GRM8: variants seen among roughly 807,000 people sequenced by gnomAD.
The protein encoded by GRM8 is metabotropic glutamate receptor 8.
Under a neutral mutation model 87.2 loss-of-function variants are expected in GRM8, and 47 were observed. The ratio of observed to expected loss-of-function variants is 0.54; its 90% CI spans 0.43 to 0.69. The LOEUF (loss-of-function observed/expected upper bound fraction) is 0.69. Among genes scored for constraint, GRM8 ranks in the 30% least tolerant of loss-of-function variants. The probability of loss-of-function intolerance (pLI) is 0.00; values close to 1 mark genes in which losing one functional copy is unlikely to be tolerated. For missense variants in GRM8, 1,019 were observed against 1,139.2 expected, an observed-to-expected ratio of 0.89 and a Z score of 1.52; for synonymous variants, 396 against 404.5, an observed-to-expected ratio of 0.98 and a Z score of 0.25.
At chr7:127,041,838 G>A (rs1003258461) in intron 3 of GRM8, among the ~76,000 whole-genome samples, 2 of 152,160 alleles carry the variant, frequency 1.3e-5, no homozygotes, top group Non-Finnish European at 2.9e-5. Flanking sequence ...GCTGAGTTTT[G>A]ATTGATCAAT....
intron 3 of GRM8, among the ~76,000 whole-genome samples, chr7:127,073,442 C>T (rs984225938): frequency 6.6e-6 from 1 of 152,098 alleles, no homozygotes; most frequent in Admixed American, 6.5e-5. Flanking sequence ...TTAGAGGGGT[C>T]AGGGATTACT....
At chr7:127,124,021 C>T (rs895313654) in intron 2 of GRM8, among the ~76,000 whole-genome samples, 2 of 152,118 alleles carry the variant, frequency 1.3e-5, no homozygotes, top group African/African-American at 4.8e-5. Context: ...TCTTTCAAGT[C>T]ATTAACCACA....
chr7:126,854,840 T>C (rs1586204549), intron 6 of GRM8, among the ~76,000 whole-genome samples: 3 of 152,244 alleles, frequency 2.0e-5, no homozygotes, highest in South Asian at 4.1e-4. Context: ...CCATAGTGCA[T>C]ATCAAAAATA....
At chr7:127,081,675 G>A (rs1336281496) in intron 3 of GRM8, among the ~76,000 whole-genome samples, 1 of 152,198 alleles carries the variant, frequency 6.6e-6, no homozygotes, top group Non-Finnish European at 1.5e-5. Context: ...GAATGAGAGA[G>A]TGTGAGTCTG....
intron 2 of GRM8, among the ~76,000 whole-genome samples, chr7:127,111,894 G>A (rs1826379487): frequency 6.6e-6 from 1 of 152,054 alleles, no homozygotes; most frequent in African/African-American, 2.4e-5. Flanking sequence ...CAGGCATAGT[G>A]GTGGGCACCT....
chr7:126,624,985 A>T (rs1004348727), intron 7 of GRM8, among the ~76,000 whole-genome samples: 3 of 152,260 alleles, frequency 2.0e-5, no homozygotes, highest in East Asian at 3.9e-4. Flanking sequence ...TATAAAACAA[A>T]CTTCTATTCT....
intron 6 of GRM8, among the ~76,000 whole-genome samples, chr7:126,774,756 C>T (rs2151621572): frequency 6.6e-6 from 1 of 152,170 alleles, no homozygotes; most frequent in Middle Eastern, 3.4e-3. Flanking sequence ...GTTGGCAAAA[C>T]ATTGTATATG....
intron 2 of GRM8, among the ~76,000 whole-genome samples, chr7:127,239,440 C>T (rs930581260): frequency 1.3e-5 from 2 of 152,168 alleles, no homozygotes; most frequent in Admixed American, 1.3e-4. Context: ...ACTAGCAATA[C>T]ATTAATTTCT....
intron 9 of GRM8, among the ~76,000 whole-genome samples, chr7:126,484,316 C>A (rs543466830): frequency 6.6e-6 from 1 of 151,860 alleles, no homozygotes; most frequent in Non-Finnish European, 1.5e-5. Context: ...CCACGTGGTA[C>A]GCAAATAGAC....
chr7:126,855,584 G>A (rs1473032697), intron 6 of GRM8, among the ~76,000 whole-genome samples: 16 of 150,360 alleles, frequency 1.1e-4, no homozygotes, highest in Admixed American at 9.3e-4. Flanking sequence ...CAAGCAATTC[G>A]CCTGTCTCAG....
At chr7:126,582,127 AC>A (rs1344179244) in intron 8 of GRM8, among the ~76,000 whole-genome samples, 9 of 152,226 alleles carry the variant, frequency 5.9e-5, no homozygotes, top group Non-Finnish European at 1.3e-4. Context: ...GGCCTCTTCC[AC>A]CAAATAGTTA....
intron 2 of GRM8, among the ~76,000 whole-genome samples, chr7:127,122,973 A>C (rs1440247473): frequency 6.6e-6 from 1 of 152,122 alleles, no homozygotes; most frequent in Non-Finnish European, 1.5e-5. Flanking sequence ...GTTGAACTTC[A>C]GGAACAGGAG....
intron 6 of GRM8, among the ~76,000 whole-genome samples, chr7:126,833,670 G>C (rs769389198): frequency 1.3e-5 from 2 of 152,084 alleles, no homozygotes; most frequent in Non-Finnish European, 2.9e-5. Flanking sequence ...CCACCTTCAT[G>C]ACTTCAGCTA....
chr7:126,550,975 C>T (rs983716154), intron 8 of GRM8, among the ~76,000 whole-genome samples: 34 of 151,434 alleles, frequency 2.2e-4, no homozygotes, highest in Non-Finnish European at 5.9e-5. Context: ...CTCTGACATA[C>T]AGATGTAATT....
intron 9 of GRM8, among the ~76,000 whole-genome samples, chr7:126,486,245 C>A (rs1277979432): frequency 6.6e-6 from 1 of 152,024 alleles, no homozygotes; most frequent in African/African-American, 2.4e-5. Flanking sequence ...CATTTGAATG[C>A]CTTCATGCTC....
chr7:126,707,712 G>T (rs1054746297), intron 7 of GRM8, among the ~76,000 whole-genome samples: 1 of 152,092 alleles, frequency 6.6e-6, no homozygotes, highest in Non-Finnish European at 1.5e-5. Flanking sequence ...AAAGACATTT[G>T]CCCTTTATCT....
At chr7:127,071,379 CT>C (rs971918770) in intron 3 of GRM8, among the ~76,000 whole-genome samples, 2 of 152,254 alleles carry the variant, frequency 1.3e-5, no homozygotes, top group South Asian at 4.1e-4. Flanking sequence ...TAAAACTGGA[CT>C]TTTTTTCTAC....
intron 8 of GRM8, among the ~76,000 whole-genome samples, chr7:126,555,267 T>G (rs1241670073): frequency 6.6e-6 from 1 of 152,222 alleles, no homozygotes; most frequent in Non-Finnish European, 1.5e-5. Flanking sequence ...AGAGTGCTCA[T>G]AGCTGGATGT....
At chr7:126,789,356 C>CACCA (rs1283905539) in intron 6 of GRM8, among the ~76,000 whole-genome samples, 7 of 152,008 alleles carry the variant, frequency 4.6e-5, no homozygotes, top group Non-Finnish European at 1.0e-4. Context: ...GCAAACAAGG[C>CACCA]AACACATAAA....
Sources: gnomAD v4.1 joint callset for allele counts (sites outside exome capture counted in the v4.1 genomes callset) on GRCh38, gnomAD v4.1.1 for gene constraint, MANE v1.5 for transcripts, NCBI Gene and HGNC (gene_info 2026-07-23, HGNC 2026-07-21) for gene names.